The following RAPGEF1 variants were observed in gnomAD, a reference collection of about 807,000 sequenced individuals.
RAPGEF1 encodes the protein Rap guanine nucleotide exchange factor 1.
RAPGEF1 carries 33 observed loss-of-function variants against 143.3 expected under a neutral mutation model. That is an observed-to-expected ratio of 0.23 (90% CI 0.17 to 0.31). The LOEUF is 0.31. RAPGEF1 is among the 10% of genes least tolerant of loss of function. The probability of loss-of-function intolerance (pLI) is 1.00; values close to 1 mark genes in which losing one functional copy is unlikely to be tolerated. For synonymous variants in RAPGEF1, 629 were observed against 676.5 expected (o/e 0.93, Z 1.09); for missense variants, 1,199 against 1,645.4 (o/e 0.73, Z 4.69).
chr9:131,737,680 AG>A, intron 1 of RAPGEF1: 1 of 1,176,056 alleles, frequency 8.5e-7, no homozygotes, highest in Non-Finnish European at 1.1e-6. Flanking sequence ...TTTTAAAAAA[AG>A]AGGCCCAGCG....
intron 1 of RAPGEF1, among the ~76,000 whole-genome samples, chr9:131,672,255 C>T (rs755661153): frequency 6.6e-6 from 1 of 152,268 alleles, no homozygotes; most frequent in Non-Finnish European, 1.5e-5. Context: ...TTTTATATTA[C>T]AACCAAGTAC....
chr9:131,710,183 A>T (rs879446800), intron 1 of RAPGEF1, among the ~76,000 whole-genome samples: 4 of 152,168 alleles, frequency 2.6e-5, no homozygotes, highest in Non-Finnish European at 1.5e-5. Flanking sequence ...TCAGAGTCCC[A>T]CGCTCAGACC....
chr9:131,581,948 A>G (rs958231575), intron 25 of RAPGEF1, among the ~76,000 whole-genome samples: 2 of 152,202 alleles, frequency 1.3e-5, no homozygotes, highest in Non-Finnish European at 2.9e-5. Flanking sequence ...AGGATGTGCC[A>G]TTGAACACTC....
At chr9:131,663,103 T>C (rs1356343360) in intron 1 of RAPGEF1, among the ~76,000 whole-genome samples, 1 of 151,680 alleles carries the variant, frequency 6.6e-6, no homozygotes, top group Non-Finnish European at 1.5e-5. Context: ...TCCAAAGTTA[T>C]ATTTTGGAAA....
At chr9:131,688,765 T>C (rs1396624812) in intron 1 of RAPGEF1, among the ~76,000 whole-genome samples, 1 of 152,106 alleles carries the variant, frequency 6.6e-6, no homozygotes, top group Non-Finnish European at 1.5e-5. Flanking sequence ...AAAAATTAGC[T>C]GGGTGTGGTG....
chr9:131,625,312 C>T (rs1315574688), intron 10 of RAPGEF1, among the ~76,000 whole-genome samples: 2 of 152,140 alleles, frequency 1.3e-5, no homozygotes, highest in African/African-American at 4.8e-5. Context: ...GGAGAACTCT[C>T]CTTATTACTT....
intron 12 of RAPGEF1, among the ~76,000 whole-genome samples, chr9:131,607,322 GCCCTCACCTACA>G (rs1957276919): frequency 1.3e-5 from 2 of 152,068 alleles, no homozygotes; most frequent in Non-Finnish European, 2.9e-5. Context: ...CTGGCTTGCC[GCCCTCACCTACA>G]CCCTCACAGC....
chr9:131,650,772 G>C lies in RAPGEF1; in HGVS notation c.201+38C>G. On this transcript the variant is annotated intron_variant, in intron 2 of 26. Transcript: ENST00000683357. The surrounding 1 kb of genome is among the most constrained non-coding windows in gnomAD (Gnocchi z 4.7). ...ATCGCACAAACTCATATTGCTGGAA[G>C]CAGGTGAGGCCAGGAGAAACATCCA... 1 of 1,605,988 alleles carries C rather than the reference G, an allele frequency of 6.2e-7. No homozygotes were observed. The highest frequency in any genetic ancestry group is 8.5e-7 in the Non-Finnish European group (1 of 1,176,474).
chr9:131,597,159 C>T (rs12555603), intron 16 of RAPGEF1, among the ~76,000 whole-genome samples: 2 of 152,306 alleles, frequency 1.3e-5, no homozygotes, highest in South Asian at 2.1e-4. Flanking sequence ...GCTGGAGGGA[C>T]GGAACCAGCC....
intron 1 of RAPGEF1, among the ~76,000 whole-genome samples, chr9:131,720,579 G>A (rs957310241): frequency 1.2e-4 from 19 of 152,152 alleles, no homozygotes; most frequent in Admixed American, 9.2e-4. Flanking sequence ...TGGGTACCCG[G>A]CAGGTCCTCA....
Position 131,641,265 on chromosome 9 carries a change from C to T in RAPGEF1, c.494+1974G>A, listed in dbSNP as rs769435576. On this transcript the variant is annotated intron_variant, in intron 4 of 26. Transcript: ENST00000683357. The surrounding 1 kb of genome is among the most constrained non-coding windows in gnomAD (Gnocchi z 4.6). ...CGCCTGAGGGTGCAGGGTGATCAGTCGCCTCTTCCCACTGTTCCCCTCTCG... is the reference window on the plus strand; with the variant it reads ...CGCCTGAGGGTGCAGGGTGATCAGTTGCCTCTTCCCACTGTTCCCCTCTCG... Among the ~76,000 whole-genome samples the T allele has an allele frequency of 1.3e-5, 2 of 152,248 alleles. No individual in the cohort carries two copies. The highest frequency in any genetic ancestry group is 2.1e-4 in the South Asian group (1 of 4,810).
intron 1 of RAPGEF1, among the ~76,000 whole-genome samples, chr9:131,660,440 CT>C (rs11390314): frequency 4.7e-5 from 7 of 148,878 alleles, no homozygotes; most frequent in Admixed American, 6.7e-5. Flanking sequence ...TATTTTTTCA[CT>C]TTTTTTTTTT....
Position 131,643,211 on chromosome 9 carries a change from CACAGCCAAAG to C in RAPGEF1, c.494+18_494+27del. 1 of 1,587,084 alleles carries C rather than the reference CACAGCCAAAG, an allele frequency of 6.3e-7. No homozygotes were observed. The highest frequency in any genetic ancestry group is 8.6e-7 in the Non-Finnish European group (1 of 1,169,050). On this transcript the variant is annotated intron_variant, in intron 4 of 26. Coordinates refer to ENST00000683357, the MANE Select transcript of RAPGEF1 (RefSeq NM_001377935.1). ...GCTTCTAAGGCTTCCATTGTTCTGA[CACAGCCAAAG>C]ACTTCAGAGCCACTCACCTGTGCTG...
At chr9:131,659,439 G>A (rs1019151544) in intron 1 of RAPGEF1, among the ~76,000 whole-genome samples, 1 of 152,040 alleles carries the variant, frequency 6.6e-6, no homozygotes, top group Non-Finnish European at 1.5e-5. Context: ...GGTTGGTCTC[G>A]AACTCCTGGG....
At chr9:131,723,873 T>G (rs1836447734) in intron 1 of RAPGEF1, among the ~76,000 whole-genome samples, 1 of 152,210 alleles carries the variant, frequency 6.6e-6, no homozygotes, top group African/African-American at 2.4e-5. Context: ...CCACAGTGGC[T>G]GCACCATTTT....
In RAPGEF1 at chr9:131,721,250, C is replaced by T. The variant is rs143303875; in HGVS notation, c.61+18520G>A. 8.4e-3 allele frequency among the ~76,000 whole-genome samples: 1,284 copies of T among 152,236 alleles called. 14 individuals carry two copies. The highest frequency in any genetic ancestry group is 0.028 in the African/African-American group (1,162 of 41,516). On this transcript the variant is annotated intron_variant, in intron 1 of 26. Transcript: ENST00000683357. ...CAGTGTTTTCTCATCCAAATCAGGA[C>T]ATTTCGAAGGGGGTAGGGAGGACTC...
Position 131,587,773 on chromosome 9 carries a change from T to C in RAPGEF1, c.3196A>G (p.Thr1066Ala). 1 of 1,613,800 alleles carries C rather than the reference T, an allele frequency of 6.2e-7. No individual in the cohort carries two copies. Among genetic ancestry groups the C allele is most frequent in the Non-Finnish European group, 8.5e-7 (1 of 1,179,846 alleles). The part of the protein sequence containing the change: ...EQNEEKSPNL[T>A]QFTEHFNNMS... ...TTGTTGAAGTGCTCCGTGAACTGGG[T>C]CAAGTTGGGGCTCTTCTCCTCATTC... The change falls in exon 22 of 27, where the codon ACC becomes GCC. Residue 1066 changes from threonine to alanine, a missense_variant. Thr to Ala is a moderately conservative substitution (Grantham distance 58). Around this residue, in one of 6 missense-constraint regions of RAPGEF1, gnomAD observed 209 missense variants for 403.0 expected, o/e 0.52. Coordinates refer to ENST00000683357, the MANE Select transcript of RAPGEF1 (RefSeq NM_001377935.1).
chr9:131,647,173 C>T (rs1428887949), intron 3 of RAPGEF1, among the ~76,000 whole-genome samples: 1 of 152,226 alleles, frequency 6.6e-6, no homozygotes, highest in African/African-American at 2.4e-5. Context: ...AGAAGTTCAT[C>T]ACAATGTACT....
chr9:131,662,583 T>C (rs1467328509), intron 1 of RAPGEF1, among the ~76,000 whole-genome samples: 1 of 151,436 alleles, frequency 6.6e-6, no homozygotes, highest in Non-Finnish European at 1.5e-5. Context: ...AGTCTCACTC[T>C]GTCACCAAGG....
Sources: allele counts gnomAD v4.1 joint callset (sites outside exome capture counted in the v4.1 genomes callset), GRCh38; gene constraint gnomAD v4.1.1; regional missense constraint gnomAD v4.1.1; non-coding constraint Gnocchi (gnomAD v3.1); transcripts MANE v1.5; gene names NCBI Gene and HGNC (gene_info 2026-07-23, HGNC 2026-07-21).